PRKN: variants seen among roughly 807,000 people sequenced by gnomAD.
PRKN encodes parkin RBR E3 ubiquitin protein ligase.
PRKN carries 56 observed loss-of-function variants against 59.5 expected under a neutral mutation model. That is an observed-to-expected ratio of 0.94 (90% CI 0.76 to 1.18). The LOEUF is 1.18. PRKN is among the 50% of genes most tolerant of loss of function. The probability of loss-of-function intolerance (pLI) is 0.00; values close to 1 mark genes in which losing one functional copy is unlikely to be tolerated. For missense variants in PRKN, 657 were observed against 596.4 expected (o/e 1.10, Z -1.06); for synonymous variants, 250 against 222.1 (o/e 1.13, Z -1.12).
intron 2 of PRKN, among the ~76,000 whole-genome samples, chr6:162,405,826 G>C (rs1038568385): frequency 2.6e-5 from 4 of 152,182 alleles, no homozygotes; most frequent in African/African-American, 9.6e-5. Context: ...TGCACTCAGA[G>C]TAAACCCCGA....
intron 7 of PRKN, among the ~76,000 whole-genome samples, chr6:161,698,047 T>A (rs1786095052): frequency 6.6e-6 from 1 of 152,072 alleles, no homozygotes; most frequent in Admixed American, 6.6e-5. Context: ...TTATAAAACA[T>A]ACAACATGGG....
chr6:162,025,675 G>T (rs575073197), intron 5 of PRKN, among the ~76,000 whole-genome samples: 2 of 126,038 alleles, frequency 1.6e-5, no homozygotes, highest in Non-Finnish European at 3.1e-5. Flanking sequence ...TGCAACCTCC[G>T]CCTCCCAGGT....
At chr6:161,844,554 C>G (rs1793121707) in intron 6 of PRKN, among the ~76,000 whole-genome samples, 1 of 152,178 alleles carries the variant, frequency 6.6e-6, no homozygotes, top group South Asian at 2.1e-4. Context: ...GGCTGTTGAA[C>G]CACAACTGAG....
intron 2 of PRKN, among the ~76,000 whole-genome samples, chr6:162,357,552 G>A (rs1364621276): frequency 6.6e-6 from 1 of 152,138 alleles, no homozygotes; most frequent in African/African-American, 2.4e-5. Flanking sequence ...AATGCAAAAC[G>A]TTATGACCAG....
intron 3 of PRKN, among the ~76,000 whole-genome samples, chr6:162,239,435 A>AT (rs1335369457): frequency 2.0e-5 from 3 of 152,030 alleles, no homozygotes; most frequent in African/African-American, 4.8e-5. Flanking sequence ...TAAAGGTTTC[A>AT]TTTTTTCCAT....
chr6:162,568,932 G>A (rs1050853463), intron 1 of PRKN: 207 of 668,426 alleles, frequency 3.1e-4, no homozygotes, highest in Non-Finnish European at 7.4e-5. Flanking sequence ...CGTGAACAAG[G>A]TAGAGCTGTA....
intron 2 of PRKN, among the ~76,000 whole-genome samples, chr6:162,393,463 G>A (rs1286830233): frequency 2.0e-5 from 3 of 151,934 alleles, no homozygotes; most frequent in Admixed American, 6.6e-5. Flanking sequence ...CCCGGCCGAG[G>A]CTAGGAGATT....
chr6:161,654,179 C>T (rs552365346), intron 7 of PRKN, among the ~76,000 whole-genome samples: 6 of 152,058 alleles, frequency 3.9e-5, no homozygotes, highest in African/African-American at 1.2e-4. Flanking sequence ...AAAAAAAAGT[C>T]GAGTCAATAA....
At chr6:161,643,833 A>G (rs1783827888) in intron 7 of PRKN, among the ~76,000 whole-genome samples, 1 of 152,216 alleles carries the variant, frequency 6.6e-6, no homozygotes, top group Non-Finnish European at 1.5e-5. Context: ...AATAATAACA[A>G]CAATGACATT....
Position 161,547,661 on chromosome 6 carries a change from C to T in PRKN, c.1083+1193G>A, listed in dbSNP as rs528413124. Among the ~76,000 whole-genome samples the T allele has an allele frequency of 3.9e-5, 6 of 152,310 alleles. No homozygotes were observed. In the South Asian group the frequency reaches 1.0e-3, roughly 26 times the overall value. ...TTAAAAGACAACATTTGCTAGCATT[C>T]TGATCCCAGAGGTTGGCAACCTGCT... On this transcript the variant is annotated intron_variant, in intron 9 of 11. Transcript: ENST00000366898. This position sits in a 1 kb window ranked among gnomAD's most constrained non-coding sequence, Gnocchi z 4.0.
At chr6:161,685,874 T>C (rs535458094) in intron 7 of PRKN, among the ~76,000 whole-genome samples, 1 of 152,324 alleles carries the variant, frequency 6.6e-6, no homozygotes, top group South Asian at 2.1e-4. Flanking sequence ...AGGTTTCTGA[T>C]ACCCCCTTAA....
intron 4 of PRKN, among the ~76,000 whole-genome samples, chr6:162,138,349 T>C (rs1376032140): frequency 2.0e-5 from 3 of 152,162 alleles, no homozygotes; most frequent in African/African-American, 7.2e-5. Flanking sequence ...CATAGCATTA[T>C]GGCTCTTCTG....
intron 6 of PRKN, among the ~76,000 whole-genome samples, chr6:161,940,887 G>A (rs548971949): frequency 2.6e-5 from 4 of 152,262 alleles, no homozygotes; most frequent in Admixed American, 2.6e-4. Flanking sequence ...ACCTCACTTG[G>A]TGTTTGTGGT....
Position 161,610,779 on chromosome 6 carries a change from G to A in PRKN, c.872-41363C>T, listed in dbSNP as rs529038382. Reference sequence around the variant, plus strand: ...TGCCCAGGAAAGAGGATGCCAGGAGGGGCCTGGGCTTGGCCGGGGTGTCCA... The same window carrying A: ...TGCCCAGGAAAGAGGATGCCAGGAGAGGCCTGGGCTTGGCCGGGGTGTCCA... On this transcript the variant is annotated intron_variant, in intron 7 of 11. Coordinates refer to ENST00000366898, the MANE Select transcript of PRKN (RefSeq NM_004562.3). Among the ~76,000 whole-genome samples, 4 of 152,232 alleles carry A rather than the reference G, an allele frequency of 2.6e-5. No homozygotes were observed. The South Asian group carries it at 8.3e-4, about 32-fold the overall frequency.
chr6:161,460,349 G>A lies in PRKN; in HGVS notation c.1084-73472C>T, dbSNP rs1790147215. On this transcript the variant is annotated intron_variant, in intron 9 of 11. Transcript: ENST00000366898. This position sits in a 1 kb window ranked among gnomAD's most constrained non-coding sequence, Gnocchi z 5.0. ...ATATTGCTTGGGAATAATGGGCAAA[G>A]GAGGTGCCATACTCCCTCTGGATAG... is the stretch of plus-strand genomic sequence containing the variant. 1.3e-5 allele frequency among the ~76,000 whole-genome samples: 2 copies of A among 152,194 alleles called. No homozygotes were observed. The highest frequency in any genetic ancestry group is 4.8e-5 in the African/African-American group (2 of 41,444).
At chr6:162,379,943 G>A (rs922039637) in intron 2 of PRKN, among the ~76,000 whole-genome samples, 1 of 152,150 alleles carries the variant, frequency 6.6e-6, no homozygotes, top group Non-Finnish European at 1.5e-5. Flanking sequence ...TCCAATCCAA[G>A]GGAGACAGCG....
chr6:161,725,092 G>A (rs1193160021), intron 7 of PRKN, among the ~76,000 whole-genome samples: 3 of 152,172 alleles, frequency 2.0e-5, no homozygotes, highest in Non-Finnish European at 4.4e-5. Context: ...CCTAGCAGAC[G>A]CTGGCGCCAT....
At chr6:161,532,160 CTCTCTCTATATATATA>C (rs1055544518) in intron 9 of PRKN, among the ~76,000 whole-genome samples, 8 of 62,506 alleles carry the variant, frequency 1.3e-4, no homozygotes, top group African/African-American at 2.7e-4. Flanking sequence ...CTCTCTCTCT[CTCTCTCTATATATATA>C]TATATATATA....
At chr6:161,910,163 T>C (rs1430640957) in intron 6 of PRKN, among the ~76,000 whole-genome samples, 2 of 152,192 alleles carry the variant, frequency 1.3e-5, no homozygotes, top group East Asian at 3.9e-4. Context: ...TTACTTCTTA[T>C]GGATGAACAA....
Sources: allele counts gnomAD v4.1 joint callset (sites outside exome capture counted in the v4.1 genomes callset), GRCh38; gene constraint gnomAD v4.1.1; non-coding constraint Gnocchi (gnomAD v3.1); transcripts MANE v1.5; gene names NCBI Gene and HGNC (gene_info 2026-07-23, HGNC 2026-07-21).